Variants in CHN2 observed in about 807,000 individuals in gnomAD.
CHN2 encodes beta-chimaerin.
A neutral mutation model predicts 56.3 loss-of-function variants in CHN2; 35 were observed. That is an observed-to-expected ratio of 0.62 (90% CI 0.47 to 0.82). The LOEUF (loss-of-function observed/expected upper bound fraction) is 0.82. CHN2 is among the 40% of genes least tolerant of loss of function. CHN2 has a pLI of 0.00. For missense variants in CHN2, 491 were observed against 580.5 expected, an observed-to-expected ratio of 0.85 and a Z score of 1.58; for synonymous variants, 210 against 212.8, an observed-to-expected ratio of 0.99 and a Z score of 0.12.
At chr7:29,414,502 ACTT>A (rs1329058580) in intron 6 of CHN2, among the ~76,000 whole-genome samples, 1 of 151,984 alleles carries the variant, frequency 6.6e-6, no homozygotes, top group Non-Finnish European at 1.5e-5. Context: ...GGTGGAAGTA[ACTT>A]CTTCATGACC....
chr7:29,247,358 CA>C (rs1452074797), intron 1 of CHN2, among the ~76,000 whole-genome samples: 1 of 152,194 alleles, frequency 6.6e-6, no homozygotes, highest in East Asian at 1.9e-4. Context: ...CCACATGTGT[CA>C]CACAGGCCTG....
intron 8 of CHN2, among the ~76,000 whole-genome samples, chr7:29,496,387 A>C (rs1789288328): frequency 6.6e-6 from 1 of 152,152 alleles, no homozygotes; most frequent in Admixed American, 6.5e-5. Flanking sequence ...ATCTTGCTAC[A>C]AAAGGTAAGA....
intron 1 of CHN2, among the ~76,000 whole-genome samples, chr7:29,340,436 C>G (rs1275278260): frequency 6.6e-6 from 1 of 152,036 alleles, no homozygotes; most frequent in Non-Finnish European, 1.5e-5. Flanking sequence ...CCTGAACAAA[C>G]AAATCAAACA....
chr7:29,507,360 C>T lies in CHN2; in HGVS notation c.1124C>T (p.Ala375Val). ...GATACCTATTCCAAATTTATAGATG[C>T]AGCAAGTAAGTACTTCAAATTAATT... ...TYDTYSKFID[A>V]AKISNADERL... The change falls in exon 11 of 13, where the codon GCA becomes GTA. Residue 375 changes from alanine to valine, a missense_variant. Coordinates refer to ENST00000222792, the MANE Select transcript of CHN2 (RefSeq NM_004067.4). 2 of 1,601,734 alleles carry T rather than the reference C, an allele frequency of 1.2e-6. No individual in the cohort carries two copies. Among genetic ancestry groups the T allele is most frequent in the Non-Finnish European group, 1.7e-6 (2 of 1,174,988 alleles).
Position 29,238,298 on chromosome 7 carries a change from G to A in CHN2, c.49+43308G>A, listed in dbSNP as rs1192276149. ...CTCCCAAAGTGCTGGGATTACAGGC[G>A]TGAGCCACCGCACCCGCCCATATAT... On this transcript the variant is annotated intron_variant, in intron 1 of 12. Transcript: ENST00000222792. Among the ~76,000 whole-genome samples the A allele has an allele frequency of 2.0e-5, 3 of 152,078 alleles. No homozygotes were observed. In the East Asian group the frequency reaches 5.8e-4, roughly 29 times the overall value.
At chr7:29,498,576 A>T (rs558880391) in intron 8 of CHN2, among the ~76,000 whole-genome samples, 2 of 152,290 alleles carry the variant, frequency 1.3e-5, no homozygotes, top group African/African-American at 4.8e-5. Context: ...TGGTGTGCTT[A>T]AGTGCTATTT....
chr7:29,409,148 C>T (rs1270829133), intron 6 of CHN2, among the ~76,000 whole-genome samples: 1 of 152,156 alleles, frequency 6.6e-6, no homozygotes, highest in Non-Finnish European at 1.5e-5. Context: ...TGCATAAGCA[C>T]GTGGGCAGCT....
intron 2 of CHN2, among the ~76,000 whole-genome samples, chr7:29,182,470 G>C (rs1266572656): frequency 6.6e-6 from 1 of 152,204 alleles, no homozygotes; most frequent in Non-Finnish European, 1.5e-5. Context: ...ATATTCTTCA[G>C]ACATTTTCAT....
At chr7:29,234,229 A>G (rs1311978369) in intron 1 of CHN2, among the ~76,000 whole-genome samples, 1 of 151,248 alleles carries the variant, frequency 6.6e-6, no homozygotes, top group Non-Finnish European at 1.5e-5. Context: ...GTATATGGTA[A>G]TTTGTTGCTG....
intron 2 of CHN2, among the ~76,000 whole-genome samples, chr7:29,178,718 G>A (rs59550164): frequency 0.12 from 17,982 of 152,136 alleles, 1,256 homozygotes; most frequent in African/African-American, 0.18. Flanking sequence ...GTTATTGTTT[G>A]TTGAATGACT....
At chr7:29,498,294 A>ATCT (rs1004234701) in intron 8 of CHN2, among the ~76,000 whole-genome samples, 6 of 152,228 alleles carry the variant, frequency 3.9e-5, no homozygotes, top group Non-Finnish European at 8.8e-5. Context: ...TGCTATTATG[A>ATCT]TCTTCTATAG....
intron 2 of CHN2, among the ~76,000 whole-genome samples, chr7:29,355,141 T>A (rs1295639969): frequency 6.6e-6 from 1 of 151,878 alleles, no homozygotes; most frequent in East Asian, 1.9e-4. Context: ...GCTAATTTTT[T>A]TGTATTTTTA....
At chr7:29,419,840 T>C (rs1258265688) in intron 6 of CHN2, among the ~76,000 whole-genome samples, 1 of 152,066 alleles carries the variant, frequency 6.6e-6, no homozygotes, top group Non-Finnish European at 1.5e-5. Context: ...TTCCAGCACT[T>C]TGGGAGGCCA....
chr7:29,210,583 C>A (rs1035768585), intron 1 of CHN2, among the ~76,000 whole-genome samples: 9 of 151,546 alleles, frequency 5.9e-5, no homozygotes, highest in South Asian at 2.1e-4. Flanking sequence ...ACCAAAGGAA[C>A]TATATATAAT....
At chr7:29,193,827 C>A (rs987740576), upstream of CHN2, 3 of 152,200 alleles carry the variant, frequency 2.0e-5, no homozygotes, top group African/African-American at 7.2e-5. Context: ...CTCTTTGACA[C>A]CAGCTTTGTG....
intron 1 of CHN2, among the ~76,000 whole-genome samples, chr7:29,327,839 GGTC>G (rs1795930484): frequency 2.0e-5 from 3 of 152,062 alleles, no homozygotes; most frequent in Non-Finnish European, 4.4e-5. Flanking sequence ...TTAACAGTTT[GGTC>G]TTTGCACTTA....
At chr7:29,291,313 AATT>A (rs940114946) in intron 1 of CHN2, among the ~76,000 whole-genome samples, 2 of 152,068 alleles carry the variant, frequency 1.3e-5, no homozygotes, top group African/African-American at 4.8e-5. Context: ...AGCTGCAACC[AATT>A]ATTATTTAAG....
intron 3 of CHN2, among the ~76,000 whole-genome samples, chr7:29,374,471 A>C (rs1376635767): frequency 6.6e-6 from 1 of 152,148 alleles, no homozygotes; most frequent in Non-Finnish European, 1.5e-5. Flanking sequence ...CCCTGCCTCC[A>C]AATTCACTCT....
At chr7:29,391,519 C>T (rs1296799968) in intron 3 of CHN2, among the ~76,000 whole-genome samples, 1 of 152,126 alleles carries the variant, frequency 6.6e-6, no homozygotes, top group Non-Finnish European at 1.5e-5. Context: ...ATTCCATGGC[C>T]CTCTTCCATG....
Sources: allele counts gnomAD v4.1 joint callset (sites outside exome capture counted in the v4.1 genomes callset), GRCh38; gene constraint gnomAD v4.1.1; transcripts MANE v1.5; gene names NCBI Gene and HGNC (gene_info 2026-07-23, HGNC 2026-07-21).